The following RBMX variants were observed in gnomAD, a reference collection of about 807,000 sequenced individuals.
The protein encoded by RBMX is RNA-binding motif protein, X chromosome.
RBMX carries 1 observed loss-of-function variant against 29.3 expected under a neutral mutation model. That is an observed-to-expected ratio of 0.03 (90% CI 0.01 to 0.16). The LOEUF is 0.16. RBMX is among the 10% of genes least tolerant of loss of function. The probability of loss-of-function intolerance (pLI) is 1.00; values close to 1 mark genes in which losing one functional copy is unlikely to be tolerated. For synonymous variants in RBMX, 102 were observed against 102.3 expected (o/e 1.00, Z 0.02); for missense variants, 121 against 333.2 (o/e 0.36, Z 4.96).
At chrX:136,875,207 C>T (rs191652183) in intron 7 of RBMX, 39 bp from the exon 8 acceptor site, 90 of 1,209,561 alleles carry the variant, frequency 7.4e-5, no homozygotes, top group Non-Finnish European at 9.0e-5. Context: ...AGAGAATCAA[C>T]TTTCATTGCA....
chrX:136,876,474 GCATAAAT>G, intron 5 of RBMX, 22 bp downstream of exon 5: 1 of 1,149,715 alleles, frequency 8.7e-7, no homozygotes, highest in Admixed American at 2.9e-5. Context: ...TACGGTAGTA[GCATAAAT>G]CATCATACAT....
At chrX:136,878,922 GA>G in intron 3 of RBMX, 94 bp downstream of exon 3, 1 of 1,106,248 alleles carries the variant, frequency 9.0e-7, no homozygotes, top group Non-Finnish European at 1.2e-6. Context: ...GAAAAACAAC[GA>G]AAACTCAAAA....
intron 4 of RBMX, among the ~76,000 whole-genome samples, chrX:136,877,328 A>ACCCCCCCCCC (rs765225668): frequency 7.9e-5 from 2 of 25,330 alleles, no homozygotes; most frequent in Admixed American, 6.8e-4. Context: ...GCTAAACTCT[A>ACCCCCCCCCC]CCCCCCCCCC....
Sources: allele counts gnomAD v4.1 joint callset (sites outside exome capture counted in the v4.1 genomes callset), GRCh38; gene constraint gnomAD v4.1.1; transcripts MANE v1.5; gene names NCBI Gene and HGNC (gene_info 2026-07-23, HGNC 2026-07-21).